Variants in KDM4C observed in about 807,000 individuals in gnomAD.
The protein encoded by KDM4C is lysine-specific demethylase 4C.
Under a neutral mutation model 129.3 loss-of-function variants are expected in KDM4C, and 81 were observed. That is an observed-to-expected ratio of 0.63 (90% CI 0.52 to 0.75). KDM4C has a LOEUF of 0.75. KDM4C is among the 30% of genes least tolerant of loss of function. The probability of loss-of-function intolerance (pLI) is 0.00; values close to 1 mark genes in which losing one functional copy is unlikely to be tolerated. For missense variants in KDM4C, 1,457 were observed against 1,304.0 expected, an observed-to-expected ratio of 1.12 and a Z score of -1.81; for synonymous variants, 573 against 456.1, an observed-to-expected ratio of 1.26 and a Z score of -3.26.
rs141740448 is a variant in KDM4C at position 6,873,941 on chromosome 9, C to CGAGCGA, written c.630-6068_630-6067insCGAGAG. 7.6e-5 allele frequency among the ~76,000 whole-genome samples: 10 copies of CGAGCGA among 132,162 alleles called. No individual in the cohort carries two copies. In the East Asian group the frequency reaches 2.2e-3, roughly 29 times the overall value. 86.7% of individuals were successfully genotyped at this position (132,162 alleles called of 152,430 possible). A position where few individuals can be genotyped will look rare whatever the true frequency, so the allele number is the denominator to read the frequency against. On this transcript the variant is annotated intron_variant, in intron 5 of 21. Coordinates refer to ENST00000381309, the MANE Select transcript of KDM4C (RefSeq NM_015061.6). ...GAGAGAGAGAGAGAGTGAGAGAGAG[C>CGAGCGA]GAGAGAGAGAGAGAGAGAGAGAGAG...
chr9:6,981,151 C>G (rs1413999289), intron 9 of KDM4C, 33 bp downstream of exon 9: 1 of 1,547,346 alleles, frequency 6.5e-7, no homozygotes, highest in East Asian at 2.3e-5. Context: ...ACCTGCCTTG[C>G]CTGTCGTGTT....
At chr9:6,780,105 AC>A (rs1208150045) in intron 1 of KDM4C, among the ~76,000 whole-genome samples, 1 of 152,176 alleles carries the variant, frequency 6.6e-6, no homozygotes, top group Admixed American at 6.5e-5. Flanking sequence ...GACCTCACAC[AC>A]AGGGCTAAGT....
chr9:6,724,569 C>T (rs745843552), intron 1 of KDM4C, among the ~76,000 whole-genome samples: 98 of 152,074 alleles, frequency 6.4e-4, no homozygotes, highest in Non-Finnish European at 7.4e-4. Flanking sequence ...CTTGTTCTGT[C>T]GCCCAGGCTG....
At position 6,729,797 on chromosome 9, in the gene KDM4C, A is replaced by C. The variant is rs1041430177; in HGVS notation, c.49+8800A>C. On this transcript the variant is annotated intron_variant, in intron 1 of 17. Transcript: ENST00000536108. ...GTCACTTTGGGCCTAAATACTGACG[A>C]GATAAAAAAGGCTTAATAAAGCCTT... 3.0e-5 allele frequency among the ~76,000 whole-genome samples: 4 copies of C among 134,108 alleles called. 1 individual carries two copies. The highest frequency in any genetic ancestry group is 1.3e-4 in the African/African-American group (4 of 31,526). The allele number at this position is 134,108 out of a possible 152,430, so 88.0% of individuals were successfully genotyped here. A position where few individuals can be genotyped will look rare whatever the true frequency, so the allele number is the denominator to read the frequency against.
At chr9:7,163,333 C>G (rs1844008234) in intron 19 of KDM4C, among the ~76,000 whole-genome samples, 1 of 152,054 alleles carries the variant, frequency 6.6e-6, no homozygotes, top group Non-Finnish European at 1.5e-5. Context: ...TGAATGTATC[C>G]CACAGGGTCC....
rs1188476431 is a variant in KDM4C, at chr9:6,984,358, C to G, written c.1308C>G (p.Ser436Arg). 1 of 1,613,816 alleles carries G rather than the reference C, an allele frequency of 6.2e-7. No individual in the cohort carries two copies. Among genetic ancestry groups the G allele is most frequent in the South Asian group, 1.1e-5 (1 of 91,044 alleles). ...EASSEEESSASRMQVEQNLSD... is the reference protein window; with the variant it reads ...EASSEEESSARRMQVEQNLSD... Reference sequence around the variant, plus strand: ...CTTCAGAAGAAGAGTCATCTGCTAGCAGGATGCAGGTGGAGCAGAATTTAT... The same window carrying G: ...CTTCAGAAGAAGAGTCATCTGCTAGGAGGATGCAGGTGGAGCAGAATTTAT... Residue 436 changes from serine (S) to arginine (R), a missense_variant, in exon 10 of 22, where the codon AGC becomes AGG. Ser to Arg is a moderately radical substitution (Grantham distance 110). Coordinates refer to ENST00000381309, the MANE Select transcript of KDM4C (RefSeq NM_015061.6).
At position 7,131,909 on chromosome 9, in the gene KDM4C, G is replaced by A. The variant is rs79950081; in HGVS notation, c.2781+3673G>A. On this transcript the variant is annotated intron_variant, in intron 19 of 21. Transcript: ENST00000381309. ...ATACCTGTAGCATGAGCAACTGGTG[G>A]TAGAAAATGATGTTTTTCTTCTGTT... 5.0e-3 allele frequency among the ~76,000 whole-genome samples: 767 copies of A among 152,314 alleles called. 4 individuals carry two copies. The highest frequency in any genetic ancestry group is 0.018 in the African/African-American group (729 of 41,554).
At position 6,842,952 on chromosome 9, in the gene KDM4C, C is replaced by G. The variant is rs186067787; in HGVS notation, c.436-6555C>G. ...GTTTTTTGTTTTCTTTTTTCTGAGA[C>G]AGAGTCTCGCTCTGTTGCCCGGGCT... On this transcript the variant is annotated intron_variant, in intron 4 of 21. Transcript: ENST00000381309. Among the ~76,000 whole-genome samples, 31 of 152,260 alleles carry G rather than the reference C, an allele frequency of 2.0e-4. 1 individual carries two copies. In the East Asian group the frequency reaches 6.0e-3, roughly 29 times the overall value.
chr9:6,782,427 A>C (rs973303948), intron 1 of KDM4C, among the ~76,000 whole-genome samples: 3 of 152,216 alleles, frequency 2.0e-5, no homozygotes, highest in Non-Finnish European at 4.4e-5. Context: ...CAAGCATTTT[A>C]TTCTCTGTCA....
chr9:6,889,359 A>G (rs989267749), intron 7 of KDM4C, among the ~76,000 whole-genome samples: 1 of 152,010 alleles, frequency 6.6e-6, no homozygotes, highest in East Asian at 1.9e-4. Flanking sequence ...TGCAGCAGTC[A>G]CGCACAAGAT....
chr9:6,813,004 C>T (rs187108591), intron 3 of KDM4C, among the ~76,000 whole-genome samples: 41 of 152,146 alleles, frequency 2.7e-4, no homozygotes, highest in Middle Eastern at 3.4e-3. Context: ...GGAGAAACCC[C>T]GTCTCTACTA....
At position 6,793,488 on chromosome 9, in the gene KDM4C, A is replaced by G. The variant is rs1001827390; in HGVS notation, c.144+356A>G. On this transcript the variant is annotated intron_variant, in intron 2 of 21. Coordinates refer to ENST00000381309, the MANE Select transcript of KDM4C (RefSeq NM_015061.6). ...ATTATTAACCTGAAGGTTAACCACAATTTCTCTCTCCTATCCTTTTTCTTT... is the reference window on the plus strand; with the variant it reads ...ATTATTAACCTGAAGGTTAACCACAGTTTCTCTCTCCTATCCTTTTTCTTT... Among the ~76,000 whole-genome samples the G allele has an allele frequency of 7.3e-5, 11 of 149,970 alleles. 1 individual carries two copies. The highest frequency in any genetic ancestry group is 2.0e-4 in the African/African-American group (8 of 40,840).
At chr9:6,892,929 A>G (rs758414471) in intron 7 of KDM4C, among the ~76,000 whole-genome samples, 166 bp from the exon 8 acceptor site, 23 of 152,302 alleles carry the variant, frequency 1.5e-4, no homozygotes, top group Non-Finnish European at 2.9e-4. Flanking sequence ...TTTCCTGAAA[A>G]AGCACTATTA....
At chr9:6,736,602 A>G (rs1817535145) in intron 1 of KDM4C, among the ~76,000 whole-genome samples, 1 of 152,168 alleles carries the variant, frequency 6.6e-6, no homozygotes, top group African/African-American at 2.4e-5. Context: ...ACAGAAGTCA[A>G]GAATTGAGGT....
intron 1 of KDM4C, among the ~76,000 whole-genome samples, chr9:6,769,762 A>G (rs7862111): frequency 0.016 from 2,460 of 152,350 alleles, 71 homozygotes; most frequent in African/African-American, 0.056. Context: ...ACATGGAGAA[A>G]GGGTCAATGG....
intron 15 of KDM4C, among the ~76,000 whole-genome samples, chr9:7,021,198 CTGCAG>C (rs1188289392): frequency 6.6e-6 from 1 of 150,782 alleles, no homozygotes; most frequent in East Asian, 1.9e-4. Flanking sequence ...GTGGCCCAGG[CTGCAG>C]TGCAGTGGCA....
At chr9:7,006,804 G>A (rs184889290) in intron 12 of KDM4C, among the ~76,000 whole-genome samples, 164 of 152,240 alleles carry the variant, frequency 1.1e-3, no homozygotes, top group Middle Eastern at 6.8e-3. Context: ...AGTAAGAGGT[G>A]ATGATTGGTT....
intron 17 of KDM4C, among the ~76,000 whole-genome samples, chr9:7,085,883 C>T (rs1047994043): frequency 1.3e-5 from 2 of 151,884 alleles, no homozygotes; most frequent in Non-Finnish European, 2.9e-5. Context: ...GGGCCAGGTG[C>T]GGTGGCTCAT....
At chr9:7,130,978 G>A (rs565325418) in intron 19 of KDM4C, among the ~76,000 whole-genome samples, 10 of 150,314 alleles carry the variant, frequency 6.7e-5, no homozygotes, top group Non-Finnish European at 7.4e-5. Flanking sequence ...TGCGTTGCCC[G>A]GGCTGGTCTC....
Sources: gnomAD v4.1 joint callset for allele counts (sites outside exome capture counted in the v4.1 genomes callset) on GRCh38, gnomAD v4.1.1 for gene constraint, MANE v1.5 for transcripts, NCBI Gene and HGNC (gene_info 2026-07-23, HGNC 2026-07-21) for gene names.